Variants in PDZD2 observed in about 807,000 individuals in gnomAD.
PDZD2 encodes the protein PDZ domain containing 2.
PDZD2 carries 90 observed loss-of-function variants against 220.7 expected under a neutral mutation model. The ratio of observed to expected loss-of-function variants is 0.41; its 90% CI spans 0.34 to 0.49. The LOEUF is 0.49. Ranked by LOEUF, PDZD2 falls within the 20% of genes least tolerant of loss-of-function variation. The pLI is 0.28. For missense variants in PDZD2, 3,174 were observed against 3,608.5 expected (o/e 0.88, Z 3.08); for synonymous variants, 1,375 against 1,450.5 (o/e 0.95, Z 1.18).
At chr5:31,704,425 C>T (rs1197749750) in intron 1 of PDZD2, among the ~76,000 whole-genome samples, 1 of 152,178 alleles carries the variant, frequency 6.6e-6, no homozygotes, top group Non-Finnish European at 1.5e-5. Flanking sequence ...TCATATACTG[C>T]CTTTCCCACA....
chr5:32,089,280 C>G lies in PDZD2; in HGVS notation c.5832C>G (p.Asp1944Glu), dbSNP rs368220576. 1.2e-6 allele frequency: 2 copies of G among 1,614,172 alleles called. No homozygotes were observed. Among genetic ancestry groups the G allele is most frequent in the Non-Finnish European group, 1.7e-6 (2 of 1,180,022 alleles). Residue 1944 changes from aspartate (D) to glutamate (E), a missense_variant, in exon 20 of 25, where the codon GAC (aspartate) becomes GAG (glutamate). Asp to Glu is a conservative substitution (Grantham distance 45). This residue lies in a region of PDZD2 where 1,861 missense variants were observed against 2,001.0 expected (regional missense o/e 0.93). Transcript: ENST00000438447. ...ATGTAGCCGACCACGAGGACCCTGA[C>G]AGAAACACCACAGCTGCCCCCAGGT... ...RLHVADHEDP[D>E]RNTTAAPRSP...
intron 2 of PDZD2, among the ~76,000 whole-genome samples, chr5:31,812,323 T>C (rs1755172631): frequency 6.6e-6 from 1 of 152,140 alleles, no homozygotes; most frequent in Admixed American, 6.6e-5. Context: ...GTTTGACCAA[T>C]AATTTAGATA....
chr5:32,063,027 A>ATATTATTATTATTATTAT (rs147802513), intron 14 of PDZD2, among the ~76,000 whole-genome samples: 7,311 of 142,268 alleles, frequency 0.051, 253 homozygotes, highest in East Asian at 0.083. Context: ...TGAGAATGAA[A>ATATTATTATTATTATTAT]TATTATTATT....
intron 1 of PDZD2, among the ~76,000 whole-genome samples, chr5:31,658,622 A>ATTT (rs1745642032): frequency 6.9e-6 from 1 of 145,138 alleles, no homozygotes. Context: ...GGCTGTTTTC[A>ATTT]CTTTTTTTTT....
intron 6 of PDZD2, among the ~76,000 whole-genome samples, chr5:32,034,946 C>T (rs985354383): frequency 3.3e-5 from 5 of 152,188 alleles, no homozygotes; most frequent in Admixed American, 2.6e-4. Flanking sequence ...GCTTTTTCTT[C>T]ACAATTTAAA....
intron 1 of PDZD2, among the ~76,000 whole-genome samples, chr5:31,779,669 G>A (rs113710835): frequency 1.1e-4 from 16 of 152,034 alleles, no homozygotes; most frequent in South Asian, 8.3e-4. Context: ...CACCGCGCCC[G>A]GCCAAAAATT....
intron 2 of PDZD2, among the ~76,000 whole-genome samples, chr5:31,942,592 C>T (rs566693565): frequency 3.3e-5 from 5 of 152,358 alleles, no homozygotes; most frequent in South Asian, 2.1e-4. Flanking sequence ...GCCTCAGCTT[C>T]GCAATGTACT....
chr5:31,745,412 G>T (rs1263133315), intron 1 of PDZD2, among the ~76,000 whole-genome samples: 6 of 152,136 alleles, frequency 3.9e-5, no homozygotes, highest in Admixed American at 3.9e-4. Flanking sequence ...ATACACAGTA[G>T]GTGCTCAATA....
chr5:31,960,497 C>T (rs532114916), intron 2 of PDZD2, among the ~76,000 whole-genome samples: 51 of 152,284 alleles, frequency 3.3e-4, no homozygotes, highest in Admixed American at 2.6e-3. Flanking sequence ...GCATGATCCA[C>T]GGTGCCCGGC....
intron 2 of PDZD2, among the ~76,000 whole-genome samples, chr5:31,886,365 T>G (rs1452308076): frequency 1.3e-5 from 2 of 152,126 alleles, no homozygotes; most frequent in Non-Finnish European, 2.9e-5. Context: ...TTTATGTGCC[T>G]CCCCTTGGCC....
chr5:31,949,875 C>T (rs964156789), intron 2 of PDZD2, among the ~76,000 whole-genome samples: 1 of 149,034 alleles, frequency 6.7e-6, no homozygotes, highest in Non-Finnish European at 1.5e-5. Flanking sequence ...GTAGAGATGG[C>T]GTTTCACCAT....
intron 2 of PDZD2, among the ~76,000 whole-genome samples, chr5:31,850,091 T>TATACGTGTATATATAAGTATAC (rs1757927763): frequency 7.2e-6 from 1 of 139,304 alleles, no homozygotes; most frequent in African/African-American, 2.5e-5. Flanking sequence ...TATAAGTATA[T>TATACGTGTATATATAAGTATAC]ATACGTGTAT....
At chr5:31,899,496 C>T (rs1741892689) in intron 2 of PDZD2, among the ~76,000 whole-genome samples, 1 of 152,174 alleles carries the variant, frequency 6.6e-6, no homozygotes, top group East Asian at 1.9e-4. Flanking sequence ...GGTGAGCTTC[C>T]TGCTGACAGC....
chr5:31,811,982 T>A (rs1365249925), intron 2 of PDZD2, among the ~76,000 whole-genome samples: 1 of 145,640 alleles, frequency 6.9e-6, no homozygotes, highest in Non-Finnish European at 1.5e-5. Context: ...AGAGTGAGAC[T>A]CTGTCTCAAA....
intron 1 of PDZD2, among the ~76,000 whole-genome samples, chr5:31,640,452 A>T (rs974624690): frequency 6.6e-6 from 1 of 152,190 alleles, no homozygotes; most frequent in African/African-American, 2.4e-5. Flanking sequence ...CCTCCACCAA[A>T]GGTAGGGTAG....
chr5:31,889,833 A>C (rs1206407804), intron 2 of PDZD2, among the ~76,000 whole-genome samples: 2 of 152,134 alleles, frequency 1.3e-5, no homozygotes, highest in Non-Finnish European at 2.9e-5. Flanking sequence ...CAGCTTGGCC[A>C]ACATGGTGAA....
chr5:31,657,728 G>A (rs1254482569), intron 1 of PDZD2, among the ~76,000 whole-genome samples: 1 of 152,304 alleles, frequency 6.6e-6, no homozygotes, highest in African/African-American at 2.4e-5. Context: ...TCAGCACTGG[G>A]ATGTGACTCT....
chr5:31,930,547 T>A (rs1158953461), intron 2 of PDZD2, among the ~76,000 whole-genome samples: 1 of 152,034 alleles, frequency 6.6e-6, no homozygotes, highest in African/African-American at 2.4e-5. Flanking sequence ...CAGGAATAGA[T>A]GAAGAATGGT....
chr5:31,647,382 G>A (rs1745175158), intron 1 of PDZD2, among the ~76,000 whole-genome samples: 1 of 152,110 alleles, frequency 6.6e-6, no homozygotes, highest in Non-Finnish European at 1.5e-5. Flanking sequence ...GCACAAACTT[G>A]TTGTCTTAAA....
Sources: allele counts gnomAD v4.1 joint callset (sites outside exome capture counted in the v4.1 genomes callset), GRCh38; gene constraint gnomAD v4.1.1; regional missense constraint gnomAD v4.1.1; transcripts MANE v1.5; gene names NCBI Gene and HGNC (gene_info 2026-07-23, HGNC 2026-07-21).